The following PSMD7 variants were observed in gnomAD, a reference collection of about 807,000 sequenced individuals.
The protein encoded by PSMD7 is 26S proteasome non-ATPase regulatory subunit 7.
A neutral mutation model predicts 36.4 loss-of-function variants in PSMD7; 13 were observed. That is an observed-to-expected ratio of 0.36 (90% confidence interval 0.23 to 0.57). PSMD7 has a LOEUF of 0.57. PSMD7 is among the 20% of genes least tolerant of loss of function. The probability of loss-of-function intolerance (pLI) is 0.83; values close to 1 mark genes in which losing one functional copy is unlikely to be tolerated. For synonymous variants in PSMD7, 186 were observed against 151.0 expected (o/e 1.23, Z -1.70); for missense variants, 298 against 393.6 (o/e 0.76, Z 2.06).
chr16:74,301,042 T>C lies in PSMD7; in HGVS notation c.167-10T>C. ...AAGCACCCTAAACTAACTTTTTTTT[T>C]CCTCTTTAGTTCCTTTTGATGAAGA... On this transcript the variant is annotated splice_polypyrimidine_tract_variant and intron_variant, in intron 2 of 6. Coordinates refer to ENST00000219313, the MANE Select transcript of PSMD7 (RefSeq NM_002811.5). 2 of 1,592,614 alleles carry C rather than the reference T, an allele frequency of 1.3e-6. No individual in the cohort carries two copies. Among genetic ancestry groups the C allele is most frequent in the Non-Finnish European group, 1.7e-6 (2 of 1,161,884 alleles).
In PSMD7 at chr16:74,304,360, G is replaced by A; in HGVS notation, c.496G>A (p.Glu166Lys). ...CGTGACCAGTGAAATTGGAGCAGAG[G>A]AAGCTGAGGAAGTTGGAGTTGAACA... ...EHVTSEIGAEEAEEVGVEHLL... is the reference protein window; with the variant it reads ...EHVTSEIGAEKAEEVGVEHLL... The change falls in exon 6 of 7, where the codon GAA becomes AAA. Residue 166 changes from glutamate to lysine, a missense_variant. By Grantham distance (56) the Glu-to-Lys change is moderately conservative (BLOSUM62 1). Coordinates refer to ENST00000219313, the MANE Select transcript of PSMD7 (RefSeq NM_002811.5). 3 of 1,614,176 alleles carry A rather than the reference G, an allele frequency of 1.9e-6. No individual in the cohort carries two copies. The highest frequency in any genetic ancestry group is 2.5e-6 in the Non-Finnish European group (3 of 1,180,008).
intron 5 of PSMD7, among the ~76,000 whole-genome samples, chr16:74,303,659 T>C (rs1055633167): frequency 1.3e-5 from 2 of 152,190 alleles, no homozygotes; most frequent in Non-Finnish European, 2.9e-5. Flanking sequence ...CTAAAAGTTT[T>C]ATTTTCTGGC....
chr16:74,305,158 A>G (rs2034185184), intron 6 of PSMD7, 131 bp from the exon 7 acceptor site: 2 of 1,139,894 alleles, frequency 1.8e-6, no homozygotes, highest in East Asian at 5.3e-5. Flanking sequence ...TCAAATGGGG[A>G]AGTGACATTT....
chr16:74,300,056 T>TTCTGA lies in PSMD7; in HGVS notation c.75-59_75-58insTCTGA. ...TGATATTTCCCATTGAGTATCTTAT[T>TTCTGA]GTTGGGTTCATGTTTCTGTGCGAGC... On this transcript the variant is annotated intron_variant, in intron 1 of 6. Coordinates refer to ENST00000219313, the MANE Select transcript of PSMD7 (RefSeq NM_002811.5). The TTCTGA allele has an allele frequency of 2.9e-6, 4 of 1,402,602 alleles. No individual in the cohort carries two copies. In the South Asian group the frequency reaches 4.6e-5, roughly 16 times the overall value. The allele number at this position is 1,402,602 out of a possible 1,614,324, so 86.9% of individuals were successfully genotyped here.
chr16:74,301,396 A>C (rs932004681), intron 3 of PSMD7, among the ~76,000 whole-genome samples, 159 bp from the exon 4 acceptor site: 3 of 152,322 alleles, frequency 2.0e-5, no homozygotes, highest in African/African-American at 4.8e-5. Flanking sequence ...CTATCCAGTA[A>C]AGTCAGTCTT....
intron 6 of PSMD7, 59 bp downstream of exon 6, chr16:74,304,453 G>C (rs2034180192): frequency 6.7e-7 from 1 of 1,484,396 alleles, no homozygotes; most frequent in Admixed American, 1.7e-5. Context: ...ACAGTGTAAG[G>C]AAGAGGTCTG....
chr16:74,301,468 A>AT, intron 3 of PSMD7, 87 bp from the exon 4 acceptor site: 2 of 1,001,494 alleles, frequency 2.0e-6, no homozygotes, highest in Non-Finnish European at 3.1e-6. Context: ...GGTAAAGGAC[A>AT]TAACTACTGA....
intron 1 of PSMD7, among the ~76,000 whole-genome samples, chr16:74,299,094 T>C (rs2034136440): frequency 7.1e-6 from 1 of 140,490 alleles, no homozygotes; most frequent in Non-Finnish European, 1.5e-5. Flanking sequence ...CTAGTAACCA[T>C]TTATAGATTT....
At chr16:74,297,242 C>T (rs1387379242) in intron 1 of PSMD7, among the ~76,000 whole-genome samples, 1 of 152,254 alleles carries the variant, frequency 6.6e-6, no homozygotes, top group Non-Finnish European at 1.5e-5. Flanking sequence ...ACAGAGTTCC[C>T]TTTCCGAGTT....
intron 2 of PSMD7, chr16:74,300,456 G>T: frequency 2.0e-6 from 1 of 492,824 alleles, no homozygotes; most frequent in Non-Finnish European, 3.7e-6. Flanking sequence ...TAGACAACAT[G>T]TAAACAAACA....
rs2034161543 is a variant in PSMD7, at chr16:74,302,237, C to T, written c.383C>T (p.Pro128Leu). Residue 128 changes from proline to leucine, a missense_variant, in exon 5 of 7, where the codon CCG becomes CTG. Coordinates refer to ENST00000219313, the MANE Select transcript of PSMD7 (RefSeq NM_002811.5). ...GTATTGGTCATCATTGATGTGAAGC[C>T]GAAGGACCTAGGGCTGCCTACAGAA... ...NSVLVIIDVKPKDLGLPTEAY... is the reference protein window; with the variant it reads ...NSVLVIIDVKLKDLGLPTEAY... 6.2e-7 allele frequency: 1 copy of T among 1,613,948 alleles called. No homozygotes were observed. The highest frequency in any genetic ancestry group is 8.5e-7 in the Non-Finnish European group (1 of 1,179,970).
chr16:74,301,467 C>CA lies in PSMD7; in HGVS notation c.260-87dup, dbSNP rs2034154416. On this transcript the variant is annotated intron_variant, in intron 3 of 6. Coordinates refer to ENST00000219313, the MANE Select transcript of PSMD7 (RefSeq NM_002811.5). ...CTGGAATTTTCAAAGAGGTAAAGGA[C>CA]ATAACTACTGATGTTCTTATCCTTT... is the stretch of plus-strand genomic sequence containing the variant. 4 of 984,832 alleles carry CA rather than the reference C, an allele frequency of 4.1e-6. No individual in the cohort carries two copies. The East Asian group carries it at 9.6e-5, about 24-fold the overall frequency. The allele number at this position is 984,832 out of a possible 1,614,324, so 61.0% of individuals were successfully genotyped here. A position where few individuals can be genotyped will look rare whatever the true frequency, so the allele number is the denominator to read the frequency against.
intron 4 of PSMD7, among the ~76,000 whole-genome samples, chr16:74,301,945 G>A (rs568026439): frequency 1.3e-5 from 2 of 152,242 alleles, no homozygotes; most frequent in South Asian, 4.1e-4. Context: ...TCTGGTAAGG[G>A]GTGGGACTGG....
Position 74,296,927 on chromosome 16 carries a change from G to A in PSMD7, c.13G>A (p.Ala5Thr), listed in dbSNP as rs765706065. The A allele has an allele frequency of 3.1e-6, 5 of 1,613,414 alleles. No individual in the cohort carries two copies. The highest frequency in any genetic ancestry group is 2.2e-5 in the East Asian group (1 of 44,862). MPEL[A>T]VQKVVVHPLV... ...GGGGTGTGTCGCGATGCCGGAGCTG[G>A]CAGTGCAGAAGGTGGTGGTCCACCC... The change falls in exon 1 of 7, where the codon GCA (alanine) becomes ACA (threonine). Residue 5 changes from alanine (A) to threonine (T), a missense_variant. By Grantham distance (58) the Ala-to-Thr change is moderately conservative. Coordinates refer to ENST00000219313, the MANE Select transcript of PSMD7 (RefSeq NM_002811.5).
intron 4 of PSMD7, among the ~76,000 whole-genome samples, chr16:74,302,009 G>A (rs570568007): frequency 6.6e-6 from 1 of 152,228 alleles, no homozygotes; most frequent in African/African-American, 2.4e-5. Flanking sequence ...GCACTGTACT[G>A]CCCCTCAGCT....
chr16:74,301,004 C>G (rs772704482), intron 2 of PSMD7, 48 bp from the exon 3 acceptor site: 6 of 1,161,026 alleles, frequency 5.2e-6, no homozygotes, highest in South Asian at 3.8e-5. Context: ...GACCTGTGTT[C>G]TAGGTTTCTA....
chr16:74,301,446 A>C, intron 3 of PSMD7, 109 bp from the exon 4 acceptor site: 1 of 800,114 alleles, frequency 1.2e-6, no homozygotes, highest in East Asian at 2.5e-5. Context: ...ATATGTCTGG[A>C]ATTTTCAAAG....
chr16:74,302,620 G>GT (rs1330191246), intron 5 of PSMD7, among the ~76,000 whole-genome samples: 1 of 152,096 alleles, frequency 6.6e-6, no homozygotes, highest in East Asian at 1.9e-4. Flanking sequence ...GTCCATGCCT[G>GT]TATTCCAAGC....
At chr16:74,300,432 T>C (rs2034146717) in intron 2 of PSMD7, 6 of 556,130 alleles carry the variant, frequency 1.1e-5, no homozygotes, top group Non-Finnish European at 1.9e-5. Context: ...GCCATTATAG[T>C]GCAAGAGCTG....
Sources: gnomAD v4.1 joint callset for allele counts (sites outside exome capture counted in the v4.1 genomes callset) on GRCh38, gnomAD v4.1.1 for gene constraint, MANE v1.5 for transcripts, NCBI Gene and HGNC (gene_info 2026-07-23, HGNC 2026-07-21) for gene names.